The following VCL variants were observed in gnomAD, a reference collection of about 807,000 sequenced individuals.
The protein encoded by VCL is vinculin.
In VCL, 47 loss-of-function variants were observed where a neutral mutation model predicts 125.7. That is an observed-to-expected ratio of 0.37 (90% confidence interval 0.30 to 0.48). The LOEUF (loss-of-function observed/expected upper bound fraction) is 0.48. Among genes scored for constraint, VCL ranks in the 20% least tolerant of loss-of-function variants. The probability of loss-of-function intolerance (pLI) is 0.99; values close to 1 mark genes in which losing one functional copy is unlikely to be tolerated. For missense variants in VCL, 1,069 were observed against 1,455.5 expected (o/e 0.73, Z 4.32); for synonymous variants, 458 against 514.6 (o/e 0.89, Z 1.49).
intron 1 of VCL, among the ~76,000 whole-genome samples, chr10:74,030,242 A>G (rs1840849674): frequency 6.6e-6 from 1 of 152,206 alleles, no homozygotes; most frequent in South Asian, 2.1e-4. Context: ...TCTTCAACTT[A>G]CTGTTGTCAC....
intron 10 of VCL, 134 bp from the exon 11 acceptor site, chr10:74,094,137 A>G: frequency 9.6e-7 from 1 of 1,044,152 alleles, no homozygotes; most frequent in Non-Finnish European, 1.4e-6. Context: ...AAATAAATAA[A>G]CCACTCCTTT....
At chr10:74,043,595 C>T (rs996813482) in intron 2 of VCL, among the ~76,000 whole-genome samples, 1 of 152,030 alleles carries the variant, frequency 6.6e-6, no homozygotes, top group African/African-American at 2.4e-5. Flanking sequence ...GATCCACCCA[C>T]CTTGGCCTCC....
At position 74,114,408 on chromosome 10, in the gene VCL, C is replaced by CGT. The variant is rs3037359; in HGVS notation, c.3153+49_3153+50dup. ...TACAGGTACTCGGGGAAAGAGGCTG[C>CGT]GTGTGTGTGTGTGTGTGTGTGTGTG... On this transcript the variant is annotated intron_variant, in intron 20 of 21. Transcript: ENST00000211998. 11,313 of 1,444,784 alleles carry CGT rather than the reference C, an allele frequency of 7.8e-3. 82 individuals are homozygous for CGT. Among genetic ancestry groups the CGT allele is most frequent in the African/African-American group, 0.056 (3,683 of 66,276 alleles). 89.5% of individuals were successfully genotyped at this position (1,444,784 alleles called of 1,614,324 possible).
intron 1 of VCL, among the ~76,000 whole-genome samples, chr10:74,014,837 A>G (rs1840508184): frequency 6.6e-6 from 1 of 152,038 alleles, no homozygotes; most frequent in African/African-American, 2.4e-5. Context: ...ACATGCGTGC[A>G]CTACCATACC....
intron 10 of VCL, among the ~76,000 whole-genome samples, chr10:74,091,791 C>CAAAAAAAAAAAAAAAAAAAAAAAA (rs545539526): frequency 1.1e-4 from 7 of 61,148 alleles, no homozygotes; most frequent in Non-Finnish European, 1.5e-4. Flanking sequence ...TCTGTCTCAG[C>CAAAAAAAAAAAAAAAAAAAAAAAA]AAAAAAAAAA....
intron 21 of VCL, among the ~76,000 whole-genome samples, chr10:74,117,428 G>A (rs766727058): frequency 7.1e-4 from 108 of 152,332 alleles, no homozygotes; most frequent in Middle Eastern, 3.4e-3. Flanking sequence ...GCTGAGGTGG[G>A]CAGATCACTT....
intron 14 of VCL, 33 bp downstream of exon 14, chr10:74,101,130 A>T (rs1012126814): frequency 6.2e-7 from 1 of 1,605,612 alleles, no homozygotes; most frequent in South Asian, 1.1e-5. Context: ...TACAGTGTTC[A>T]GTAAAGAAAG....
intron 2 of VCL, among the ~76,000 whole-genome samples, chr10:74,062,898 CTACTAAAAA>C (rs1841502626): frequency 6.6e-6 from 1 of 152,064 alleles, no homozygotes; most frequent in African/African-American, 2.4e-5. Flanking sequence ...TACCCCGTCG[CTACTAAAAA>C]TATAAAAATT....
intron 1 of VCL, among the ~76,000 whole-genome samples, chr10:74,036,193 GTTTTTGTTTTTGT>G (rs1056887255): frequency 2.2e-4 from 34 of 151,952 alleles, no homozygotes; most frequent in African/African-American, 7.7e-4. Context: ...TCTTTTCTCT[GTTTTTGTTTTTGT>G]TTTTTGTTTT....
chr10:74,025,643 G>A (rs867366468), intron 1 of VCL, among the ~76,000 whole-genome samples: 4 of 126,850 alleles, frequency 3.2e-5, no homozygotes, highest in African/African-American at 1.2e-4. Flanking sequence ...AGGGGAGGGG[G>A]AAAGAAAGAA....
chr10:74,043,169 ATTC>A lies in VCL; in HGVS notation c.239+21_239+23del, dbSNP rs755138902. 8 of 1,605,876 alleles carry A rather than the reference ATTC, an allele frequency of 5.0e-6. No homozygotes were observed. In the East Asian group the frequency reaches 6.7e-5, roughly 13 times the overall value. On this transcript the variant is annotated intron_variant, in intron 2 of 21. Transcript: ENST00000211998. The stretch of plus-strand genomic sequence containing the variant: ...CATTTATTAAGTGAGTAATTGAAAT[ATTC>A]TTCTGTTGCTAAGCAGAATAATACT...
At chr10:74,044,393 G>A (rs1225976969) in intron 2 of VCL, among the ~76,000 whole-genome samples, 1 of 152,120 alleles carries the variant, frequency 6.6e-6, no homozygotes, top group Non-Finnish European at 1.5e-5. Context: ...AATAACATAA[G>A]ACTTTCCAAA....
At chr10:74,096,547 A>G (rs887068905) in intron 12 of VCL, among the ~76,000 whole-genome samples, 5 of 152,322 alleles carry the variant, frequency 3.3e-5, no homozygotes, top group African/African-American at 7.2e-5. Context: ...TTGCAAAACA[A>G]TGAGGGTGAT....
rs1346591613 is a variant in VCL at position 74,089,342 on chromosome 10, C to T, written c.1169C>T (p.Ala390Val). 3 of 1,613,976 alleles carry T rather than the reference C, an allele frequency of 1.9e-6. No homozygotes were observed. The South Asian group carries it at 3.3e-5, about 18-fold the overall frequency. ...CAGAGCATTGCAAAGAAGATCGATG[C>T]TGCTCAGGTAGTCACAGTGATTTTC... ...SKQSIAKKID[A>V]AQNWLADPNG... is the part of the protein sequence containing the mutation. Residue 390 changes from alanine to valine, a missense_variant, in exon 9 of 22, where the codon GCT becomes GTT. Physicochemically the swap from Ala to Val is moderately conservative, Grantham distance 64 (BLOSUM62 0). This residue lies in a region of VCL where 760 missense variants were observed against 928.9 expected (regional missense o/e 0.82). Transcript: ENST00000211998.
At chr10:74,108,790 T>C (rs1449181604) in intron 17 of VCL, among the ~76,000 whole-genome samples, 181 bp from the exon 18 acceptor site, 1 of 152,102 alleles carries the variant, frequency 6.6e-6, no homozygotes, top group Non-Finnish European at 1.5e-5. Flanking sequence ...ACTGCTAGCT[T>C]TTTGTAGAGA....
intron 8 of VCL, among the ~76,000 whole-genome samples, chr10:74,088,539 G>C (rs916827613): frequency 3.3e-5 from 5 of 152,122 alleles, no homozygotes; most frequent in Non-Finnish European, 4.4e-5. Flanking sequence ...TATTGCCAGT[G>C]TTTTCAAGTA....
chr10:74,102,428 G>A (rs1840075573), intron 14 of VCL, among the ~76,000 whole-genome samples: 1 of 152,070 alleles, frequency 6.6e-6, no homozygotes, highest in Admixed American at 6.6e-5. Flanking sequence ...TGTGATGTTT[G>A]TGCAATTTTT....
rs1383458917 is a variant in VCL at position 74,114,293 on chromosome 10, A to G, written c.3059A>G (p.Lys1020Arg). The G allele has an allele frequency of 1.9e-6, 3 of 1,614,124 alleles. No individual in the cohort carries two copies. Among genetic ancestry groups the G allele is most frequent in the East Asian group, 4.5e-5 (2 of 44,868 alleles). Residue 1020 changes from lysine (K) to arginine (R), a missense_variant, in exon 20 of 22, where the codon AAG (lysine) becomes AGG (arginine). Lys to Arg is a conservative substitution (Grantham distance 26). This residue lies in a region of VCL where 91 missense variants were observed against 203.9 expected (regional missense o/e 0.45). Coordinates refer to ENST00000211998, the MANE Select transcript of VCL (RefSeq NM_014000.3). Reference sequence around the variant, plus strand: ...AAGCGGGCACTCATTCAGTGTGCCAAGGACATCGCCAAGGCCTCAGATGAG... The same window carrying G: ...AAGCGGGCACTCATTCAGTGTGCCAGGGACATCGCCAAGGCCTCAGATGAG... ...GTKRALIQCA[K>R]DIAKASDEVT... is the part of the protein sequence containing the mutation.
At chr10:74,009,225 C>CA (rs938974841) in intron 1 of VCL, among the ~76,000 whole-genome samples, 5 of 124,872 alleles carry the variant, frequency 4.0e-5, no homozygotes, top group Admixed American at 2.3e-4. Context: ...TTCCCCCCCC[C>CA]CCCCCGAGCC....
Sources: allele counts gnomAD v4.1 joint callset (sites outside exome capture counted in the v4.1 genomes callset), GRCh38; gene constraint gnomAD v4.1.1; regional missense constraint gnomAD v4.1.1; transcripts MANE v1.5; gene names NCBI Gene and HGNC (gene_info 2026-07-23, HGNC 2026-07-21).